The following NFYA variants were observed in gnomAD, a reference collection of about 807,000 sequenced individuals.
NFYA encodes nuclear transcription factor Y subunit alpha, also known as CAAT-box DNA binding protein subunit A.
Under a neutral mutation model 52.8 loss-of-function variants are expected in NFYA, and 28 were observed. The ratio of observed to expected loss-of-function variants is 0.53; its 90% CI spans 0.39 to 0.73. NFYA has a LOEUF of 0.73. NFYA is among the 30% of genes least tolerant of loss of function. The pLI, the probability that NFYA is intolerant of heterozygous loss-of-function variation, is 0.00. For synonymous variants in NFYA, 150 were observed against 150.7 expected, an observed-to-expected ratio of 1.00 and a Z score of 0.03; for missense variants, 234 against 427.0, an observed-to-expected ratio of 0.55 and a Z score of 3.98.
intron 1 of NFYA, among the ~76,000 whole-genome samples, chr6:41,073,687 TGGCCCGCCCACGCCTCGGAGCCCTATG>T (rs1397506873): frequency 2.0e-5 from 3 of 152,094 alleles, no homozygotes; most frequent in Middle Eastern, 3.4e-3. Context: ...GCAACGGGGC[TGGCCCGCCCACGCCTCGGAGCCCTATG>T]GGCCCGCCCC....
chr6:41,091,365 T>C (rs1764193500), intron 6 of NFYA, among the ~76,000 whole-genome samples, 163 bp from the exon 7 acceptor site: 1 of 152,226 alleles, frequency 6.6e-6, no homozygotes, highest in Non-Finnish European at 1.5e-5. Context: ...AGATTATATA[T>C]AGCACACCAC....
Position 41,091,516 on chromosome 6 carries a change from GTTTTC to G in NFYA, c.548-9_548-5del. The G allele has an allele frequency of 6.2e-7, 1 of 1,612,126 alleles. No homozygotes were observed. Among genetic ancestry groups the G allele is most frequent in the Admixed American group, 1.7e-5 (1 of 59,600 alleles). ...CTGTTTTTTGTTTGTTTTATGTTTT[GTTTTC>G]TTAAAGTTACAGTCCCTGTTTCAGG... On this transcript the variant is annotated splice_region_variant and splice_polypyrimidine_tract_variant and intron_variant, in intron 6 of 9. Transcript: ENST00000341376.
chr6:41,074,174 CTCATCTCT>C (rs1763659791), intron 1 of NFYA, among the ~76,000 whole-genome samples: 1 of 152,144 alleles, frequency 6.6e-6, no homozygotes, highest in South Asian at 2.1e-4. Context: ...ACCCAGTCCA[CTCATCTCT>C]TGGTTTATGT....
At chr6:41,078,477 T>A (rs1265151145) in intron 1 of NFYA, among the ~76,000 whole-genome samples, 2 of 135,266 alleles carry the variant, frequency 1.5e-5, no homozygotes, top group African/African-American at 6.2e-5. Context: ...TGCCGATTGC[T>A]AACTTATATC....
chr6:41,088,676 C>A (rs1764114718), intron 4 of NFYA, among the ~76,000 whole-genome samples: 1 of 151,792 alleles, frequency 6.6e-6, no homozygotes, highest in East Asian at 2.0e-4. Context: ...CCTCTGCCTC[C>A]CAGGCTCAAA....
At chr6:41,076,452 G>A (rs1763734994) in intron 1 of NFYA, among the ~76,000 whole-genome samples, 1 of 152,214 alleles carries the variant, frequency 6.6e-6, no homozygotes, top group Admixed American at 6.5e-5. Flanking sequence ...TATCAACTGT[G>A]ATAATCCTAT....
In NFYA at chr6:41,100,464, G is replaced by A. The variant is rs1013063271; in HGVS notation, c.*3054G>A. Among the ~76,000 whole-genome samples the A allele has an allele frequency of 6.6e-6, 1 of 152,136 alleles. No individual in the cohort carries two copies. The highest frequency in any genetic ancestry group is 1.5e-5 in the Non-Finnish European group (1 of 68,020). The stretch of plus-strand genomic sequence containing the variant: ...GGAATCTAAGCAACAAAGACTAGAA[G>A]CCTCCGATATGCCATTATCAACACA... On this transcript the variant is annotated 3_prime_UTR_variant, in exon 10 of 10. Transcript: ENST00000341376.
At chr6:41,091,910 T>C (rs1172576407) in intron 7 of NFYA, among the ~76,000 whole-genome samples, 1 of 152,174 alleles carries the variant, frequency 6.6e-6, no homozygotes, top group African/African-American at 2.4e-5. Flanking sequence ...TTCTAGATGC[T>C]GGAGATAAAG....
intron 9 of NFYA, among the ~76,000 whole-genome samples, chr6:41,095,739 T>TAA (rs1399853183): frequency 2.0e-5 from 3 of 152,222 alleles, no homozygotes; most frequent in Non-Finnish European, 4.4e-5. Context: ...CCCTTTTCTT[T>TAA]ACAGTGTAAT....
rs983730783 is a variant in NFYA at position 41,099,980 on chromosome 6, A to G, written c.*2570A>G. 2.6e-5 allele frequency: 4 copies of G among 152,140 alleles called. No individual in the cohort carries two copies. Among genetic ancestry groups the G allele is most frequent in the African/African-American group, 9.7e-5 (4 of 41,440 alleles). 9.4% of individuals were successfully genotyped at this position (152,140 alleles called of 1,614,324 possible). On this transcript the variant is annotated 3_prime_UTR_variant, in exon 10 of 10. Coordinates refer to ENST00000341376, the MANE Select transcript of NFYA (RefSeq NM_002505.5). ...AATTTATAAAAATAACCGAAAAGTA[A>G]TGTGACTTTTGAGGAATCTGCAACT...
intron 3 of NFYA, among the ~76,000 whole-genome samples, chr6:41,081,861 A>G (rs182264150): frequency 1.3e-5 from 2 of 152,316 alleles, no homozygotes; most frequent in East Asian, 1.9e-4. Context: ...AGCCACTGTG[A>G]TAATTCTTGG....
In NFYA at chr6:41,081,472, AG is replaced by A. The variant is rs539708537; in HGVS notation, c.162+576del. On this transcript the variant is annotated intron_variant, in intron 3 of 9. Transcript: ENST00000341376. ...GCCACTGCACTCCAGCCTGGGTGAC[AG>A]AGCGAGACTCCGTCTCAAAAAAAAA... 1.4e-4 allele frequency among the ~76,000 whole-genome samples: 21 copies of A among 151,946 alleles called. No homozygotes were observed. In the East Asian group the frequency reaches 4.1e-3, roughly 29 times the overall value.
chr6:41,082,505 A>G (rs1254322324), intron 3 of NFYA, among the ~76,000 whole-genome samples: 1 of 152,208 alleles, frequency 6.6e-6, no homozygotes, highest in African/African-American at 2.4e-5. Flanking sequence ...TATCATGTGC[A>G]CGAATAGCAC....
At chr6:41,075,767 G>C (rs1039180353) in intron 1 of NFYA, 1 of 150,532 alleles carries the variant, frequency 6.6e-6, no homozygotes, top group African/African-American at 2.4e-5. Flanking sequence ...TTTATCCCCA[G>C]CTGGAACAAA....
chr6:41,081,460 A>G (rs1324577899), intron 3 of NFYA, among the ~76,000 whole-genome samples: 1 of 151,954 alleles, frequency 6.6e-6, no homozygotes, highest in African/African-American at 2.4e-5. Flanking sequence ...ACTGCACTCC[A>G]GCCTGGGTGA....
At chr6:41,090,643 T>C (rs187812058) in intron 6 of NFYA, among the ~76,000 whole-genome samples, 1 of 152,366 alleles carries the variant, frequency 6.6e-6, no homozygotes, top group Admixed American at 6.5e-5. Context: ...TTTAGAGTGC[T>C]ATTGCTGCTT....
At position 41,092,983 on chromosome 6, in the gene NFYA, A is replaced by G; in HGVS notation, c.786A>G (p.Glu262=). Residue 262 remains glutamate, a synonymous_variant, in exon 8 of 10, where the codon GAA becomes GAG. Coordinates refer to ENST00000341376, the MANE Select transcript of NFYA (RefSeq NM_002505.5). ...IPLPGAEMLE[E]EPLYVNAKQY... is the part of the protein sequence containing the mutation. ...TACCTGGAGCAGAGATGCTTGAAGA[A>G]GAGCCTCTCTACGTGAATGCCAAAC... 1 of 1,614,124 alleles carries G rather than the reference A, an allele frequency of 6.2e-7. No homozygotes were observed.
intron 2 of NFYA, 123 bp from the exon 3 acceptor site, chr6:41,080,688 T>C (rs1036546538): frequency 1.7e-5 from 12 of 713,536 alleles, no homozygotes; most frequent in Non-Finnish European, 2.9e-5. Context: ...ATATAGGGAG[T>C]CTGTACATTT....
In NFYA at chr6:41,098,900, A is replaced by AGAAGAGTTGGCTGCCTT. The variant is rs1561858505; in HGVS notation, c.*1491_*1507dup. 1 of 152,610 alleles carries AGAAGAGTTGGCTGCCTT rather than the reference A, an allele frequency of 6.6e-6. No individual in the cohort carries two copies. The highest frequency in any genetic ancestry group is 2.4e-5 in the African/African-American group (1 of 41,458). The allele number at this position is 152,610 out of a possible 1,614,324, so 9.5% of individuals were successfully genotyped here. ...CCTGAGAGAACTAAGATGATATTTC[A>AGAAGAGTTGGCTGCCTT]GAAGAGTTGGCTGCCTTCTCTGGAA... On this transcript the variant is annotated 3_prime_UTR_variant, in exon 10 of 10. Transcript: ENST00000341376.
Sources: allele counts gnomAD v4.1 joint callset (sites outside exome capture counted in the v4.1 genomes callset), GRCh38; gene constraint gnomAD v4.1.1; transcripts MANE v1.5; gene names NCBI Gene and HGNC (gene_info 2026-07-23, HGNC 2026-07-21).